NBEA: variants seen among roughly 807,000 people sequenced by gnomAD.
The protein encoded by NBEA is lysosomal-trafficking regulator 2.
In NBEA, 44 loss-of-function variants were observed where a neutral mutation model predicts 343.4. That is an observed-to-expected ratio of 0.13 (90% CI 0.10 to 0.16). NBEA has a LOEUF of 0.16. Among genes scored for constraint, NBEA ranks in the 10% least tolerant of loss-of-function variants. The pLI is 1.00. For synonymous variants in NBEA, 1,175 were observed against 1,238.7 expected, an observed-to-expected ratio of 0.95 and a Z score of 1.08; for missense variants, 2,555 against 3,631.3, an observed-to-expected ratio of 0.70 and a Z score of 7.62.
chr13:35,109,595 ATATT>A (rs35862456), intron 12 of NBEA, among the ~76,000 whole-genome samples, 153 bp downstream of exon 12: 57,025 of 151,640 alleles, frequency 0.38, 11,323 homozygotes, highest in East Asian at 0.49. Context: ...GGAGATCAAA[ATATT>A]TATAAGCAGT....
chr13:35,558,754 A>G lies in NBEA; in HGVS notation c.6922+3652A>G, dbSNP rs950011759. Among the ~76,000 whole-genome samples, 11 of 152,322 alleles carry G rather than the reference A, an allele frequency of 7.2e-5. No individual in the cohort carries two copies. In the East Asian group the frequency reaches 1.9e-3, roughly 27 times the overall value. On this transcript the variant is annotated intron_variant, in intron 44 of 58. Transcript: ENST00000379939. ...ATACAAAAAGTTTGAGCACAATTGC[A>G]TTAGCCATTTAAGACCTAATTATCA...
intron 36 of NBEA, among the ~76,000 whole-genome samples, chr13:35,311,064 TTGC>T (rs1239461006): frequency 6.6e-6 from 1 of 152,106 alleles, no homozygotes; most frequent in Admixed American, 6.5e-5. Flanking sequence ...AAAATAGGCT[TTGC>T]ATTCACTGCA....
chr13:35,059,904 A>G (rs1194580957), intron 8 of NBEA, among the ~76,000 whole-genome samples: 6 of 151,768 alleles, frequency 4.0e-5, no homozygotes, highest in Admixed American at 2.6e-4. Context: ...ACTTGCTATC[A>G]TGTATTTTCC....
At chr13:35,220,225 T>C (rs1378817979) in intron 33 of NBEA, among the ~76,000 whole-genome samples, 1 of 152,188 alleles carries the variant, frequency 6.6e-6, no homozygotes, top group Non-Finnish European at 1.5e-5. Flanking sequence ...CATCTTAAAT[T>C]CACACCCTGC....
At position 35,075,144 on chromosome 13, in the gene NBEA, T is replaced by C. The variant is rs141881955; in HGVS notation, c.1571+4292T>C. On this transcript the variant is annotated intron_variant, in intron 10 of 58. Transcript: ENST00000379939. ...AACCAGGGTTCTAATCCTGCAAGCC[T>C]GACTCTAGAGCTCTGACTCTAAACC... 1.4e-3 allele frequency among the ~76,000 whole-genome samples: 206 copies of C among 152,276 alleles called. 1 individual carries two copies. In the Middle Eastern group the frequency reaches 0.014, roughly 10 times the overall value.
At position 35,326,268 on chromosome 13, in the gene NBEA, A is replaced by C. The variant is rs1197660004; in HGVS notation, c.5903+16676A>C. On this transcript the variant is annotated intron_variant, in intron 36 of 58. Transcript: ENST00000379939. ...TGATATTCATTCTCCCAATCCATGA[A>C]CATTGGATGTGTTTCCATTTGTTTG... is the stretch of plus-strand genomic sequence containing the variant. Among the ~76,000 whole-genome samples, 3 of 152,188 alleles carry C rather than the reference A, an allele frequency of 2.0e-5. No homozygotes were observed. The East Asian group carries it at 5.8e-4, about 29-fold the overall frequency.
intron 38 of NBEA, among the ~76,000 whole-genome samples, chr13:35,430,458 A>G (rs962640342): frequency 5.3e-5 from 8 of 152,024 alleles, no homozygotes; most frequent in South Asian, 2.1e-4. Flanking sequence ...ATTAAGTCCC[A>G]TCTATTTATC....
At chr13:34,988,322 T>A (rs549042056) in intron 1 of NBEA, among the ~76,000 whole-genome samples, 29 of 151,198 alleles carry the variant, frequency 1.9e-4, no homozygotes, top group African/African-American at 7.0e-4. Flanking sequence ...CACTGCTCTC[T>A]TCAGAGCTGT....
chr13:35,069,317 A>C (rs1330579208), intron 8 of NBEA, among the ~76,000 whole-genome samples: 2 of 152,182 alleles, frequency 1.3e-5, no homozygotes, highest in Non-Finnish European at 2.9e-5. Context: ...TTCTTGTTAT[A>C]GATGGCATAG....
intron 30 of NBEA, among the ~76,000 whole-genome samples, chr13:35,192,275 T>TTAGA (rs2072258454): frequency 6.6e-6 from 1 of 152,136 alleles, no homozygotes; most frequent in Non-Finnish European, 1.5e-5. Context: ...GAAACACGAG[T>TTAGA]TATCTAAGTT....
At chr13:35,043,074 A>G (rs1258017108) in intron 2 of NBEA, among the ~76,000 whole-genome samples, 1 of 151,890 alleles carries the variant, frequency 6.6e-6, no homozygotes, top group South Asian at 2.1e-4. Context: ...AAGACCGTCT[A>G]TAATAAAATT....
chr13:35,568,998 G>A (rs2080269520), intron 45 of NBEA, among the ~76,000 whole-genome samples: 1 of 152,114 alleles, frequency 6.6e-6, no homozygotes, highest in Admixed American at 6.6e-5. Flanking sequence ...ATAATAATAG[G>A]GTTGTTGTGT....
At chr13:35,191,843 CAT>C (rs750744794) in intron 30 of NBEA, among the ~76,000 whole-genome samples, 1 of 151,982 alleles carries the variant, frequency 6.6e-6, no homozygotes, top group Non-Finnish European at 1.5e-5. Context: ...ATATGTAAGA[CAT>C]ATTGAAATTC....
intron 11 of NBEA, among the ~76,000 whole-genome samples, chr13:35,099,624 G>A (rs1368998721): frequency 6.6e-6 from 1 of 151,912 alleles, no homozygotes; most frequent in Non-Finnish European, 1.5e-5. Flanking sequence ...TTTATTTTGT[G>A]GTAATAGAAA....
At position 35,195,869 on chromosome 13, in the gene NBEA, C is replaced by T; in HGVS notation, c.4933C>T (p.Pro1645Ser). The T allele has an allele frequency of 6.3e-7, 1 of 1,583,096 alleles. No individual in the cohort carries two copies. Among genetic ancestry groups the T allele is most frequent in the Non-Finnish European group, 8.5e-7 (1 of 1,169,970 alleles). Residue 1645 changes from proline to serine, a missense_variant, in exon 31 of 59, where the codon CCT (proline) becomes TCT (serine). By Grantham distance (74) the Pro-to-Ser change is moderately conservative. Around this residue, in one of 21 missense-constraint regions of NBEA, gnomAD observed 270 missense variants for 293.3 expected, o/e 0.92. Transcript: ENST00000379939. ...CCTAGTTTCTTTCATTACAGAAACA[C>T]CTGCTGCATTTCCAGACACCATAAA... ...SFGHSFYKET[P>S]AAFPDTIKEK...
At chr13:35,080,534 A>G (rs959273330) in intron 10 of NBEA, among the ~76,000 whole-genome samples, 4 of 152,154 alleles carry the variant, frequency 2.6e-5, no homozygotes, top group African/African-American at 9.7e-5. Context: ...GTAGGTTACA[A>G]TAAGGCTCAG....
chr13:35,333,847 C>T (rs146099110), intron 36 of NBEA, among the ~76,000 whole-genome samples: 1 of 152,262 alleles, frequency 6.6e-6, no homozygotes, highest in Non-Finnish European at 1.5e-5. Context: ...CTTCCAGTTA[C>T]ATCAATGTTG....
intron 40 of NBEA, among the ~76,000 whole-genome samples, chr13:35,467,998 T>C (rs1016005904): frequency 4.6e-5 from 7 of 152,194 alleles, no homozygotes; most frequent in Non-Finnish European, 8.8e-5. Context: ...GTCTTTGCTG[T>C]GCTTTACATT....
intron 34 of NBEA, among the ~76,000 whole-genome samples, chr13:35,281,368 T>G (rs546486583): frequency 1.3e-5 from 2 of 152,300 alleles, no homozygotes; most frequent in South Asian, 2.1e-4. Context: ...ATTTGAGAAT[T>G]TATTGCTTTG....
Sources: gnomAD v4.1 joint callset for allele counts (sites outside exome capture counted in the v4.1 genomes callset) on GRCh38, gnomAD v4.1.1 for gene constraint, gnomAD v4.1.1 regional missense constraint, MANE v1.5 for transcripts, NCBI Gene and HGNC (gene_info 2026-07-23, HGNC 2026-07-21) for gene names.